Variants in PUS10 observed in about 807,000 individuals in gnomAD.
PUS10 encodes the protein tRNA pseudouridine synthase Pus10.
Under a neutral mutation model 75.0 loss-of-function variants are expected in PUS10, and 59 were observed. The ratio of observed to expected loss-of-function variants is 0.79; its 90% confidence interval spans 0.64 to 0.98. The LOEUF (loss-of-function observed/expected upper bound fraction) is 0.98, where lower values mean the gene tolerates loss of function less well. Among genes scored for constraint, PUS10 ranks in the 50% least tolerant of loss-of-function variants. The pLI is 0.00. For synonymous variants in PUS10, 219 were observed against 211.6 expected, an observed-to-expected ratio of 1.03 and a Z score of -0.30; for missense variants, 650 against 614.4, an observed-to-expected ratio of 1.06 and a Z score of -0.61.
At chr2:60,946,550 T>C (rs1280304421) in intron 16 of PUS10, among the ~76,000 whole-genome samples, 1 of 152,180 alleles carries the variant, frequency 6.6e-6, no homozygotes, top group Non-Finnish European at 1.5e-5. Context: ...GATTTGAAAT[T>C]CCATCCATGA....
At chr2:60,949,613 A>T (rs2104182870) in intron 15 of PUS10, among the ~76,000 whole-genome samples, 1 of 152,272 alleles carries the variant, frequency 6.6e-6, no homozygotes, top group Non-Finnish European at 1.5e-5. Context: ...GATAAGTAGT[A>T]AATTTGAAAT....
chr2:60,947,926 A>G (rs1675070145), intron 16 of PUS10, 117 bp downstream of exon 16: 1 of 857,858 alleles, frequency 1.2e-6, no homozygotes, highest in East Asian at 2.6e-5. Context: ...ATTCTTCTTC[A>G]GTATAATCCT....
chr2:60,964,126 AG>A (rs1406595494), intron 8 of PUS10, among the ~76,000 whole-genome samples: 1 of 152,240 alleles, frequency 6.6e-6, no homozygotes, highest in Admixed American at 6.5e-5. Flanking sequence ...TGTTAAGCTC[AG>A]GGTGCTGAAC....
intron 3 of PUS10, among the ~76,000 whole-genome samples, 173 bp from the exon 4 acceptor site, chr2:61,006,816 T>C (rs978795313): frequency 6.6e-6 from 1 of 152,236 alleles, no homozygotes; most frequent in Non-Finnish European, 1.5e-5. Flanking sequence ...TGCCTAACTA[T>C]GACCCTGAAG....
At chr2:61,002,618 C>A (rs1362912454) in intron 4 of PUS10, among the ~76,000 whole-genome samples, 1 of 152,158 alleles carries the variant, frequency 6.6e-6, no homozygotes, top group African/African-American at 2.4e-5. Flanking sequence ...CTCTCAGGAT[C>A]TCAAATCTCA....
chr2:60,960,233 C>T (rs1307800922), intron 11 of PUS10, among the ~76,000 whole-genome samples, 159 bp downstream of exon 11: 1 of 149,028 alleles, frequency 6.7e-6, no homozygotes, highest in East Asian at 2.0e-4. Context: ...AATCCCAGGA[C>T]TTTAGGAGGC....
intron 1 of PUS10, among the ~76,000 whole-genome samples, chr2:61,013,539 G>A (rs1206709495): frequency 6.6e-6 from 1 of 152,152 alleles, no homozygotes; most frequent in Non-Finnish European, 1.5e-5. Context: ...CATTCTGAAG[G>A]CTCCTGTGTA....
intron 4 of PUS10, among the ~76,000 whole-genome samples, chr2:60,992,909 A>G (rs1678203323): frequency 6.6e-6 from 1 of 152,208 alleles, no homozygotes; most frequent in Admixed American, 6.5e-5. Flanking sequence ...AGTAGCTTTC[A>G]AATTATAATT....
intron 4 of PUS10, among the ~76,000 whole-genome samples, chr2:61,006,168 C>T (rs1679198978): frequency 6.6e-6 from 1 of 152,126 alleles, no homozygotes; most frequent in Non-Finnish European, 1.5e-5. Flanking sequence ...GAAGAAGGCT[C>T]ATCATAATTG....
chr2:60,964,729 T>C (rs1341966983), intron 8 of PUS10, among the ~76,000 whole-genome samples: 1 of 152,198 alleles, frequency 6.6e-6, no homozygotes. Context: ...TCTCAGATGA[T>C]GTAATTTGAG....
chr2:60,987,151 T>A (rs190273557), intron 4 of PUS10, among the ~76,000 whole-genome samples: 1 of 152,232 alleles, frequency 6.6e-6, no homozygotes, highest in Non-Finnish European at 1.5e-5. Context: ...AAATTTGCCA[T>A]GAATCTGAGA....
At chr2:61,006,071 A>C (rs1440282684) in intron 4 of PUS10, among the ~76,000 whole-genome samples, 1 of 152,170 alleles carries the variant, frequency 6.6e-6, no homozygotes, top group East Asian at 1.9e-4. Context: ...CTTAACAAAG[A>C]AAACAGTTTA....
intron 5 of PUS10, among the ~76,000 whole-genome samples, chr2:60,968,582 T>G (rs1231445612): frequency 6.6e-6 from 1 of 150,810 alleles, no homozygotes; most frequent in Non-Finnish European, 1.5e-5. Flanking sequence ...AAACAAAAAG[T>G]AATTAAGCTA....
intron 1 of PUS10, among the ~76,000 whole-genome samples, chr2:61,012,542 T>C (rs1679671441): frequency 6.6e-6 from 1 of 151,372 alleles, no homozygotes; most frequent in Non-Finnish European, 1.5e-5. Context: ...ATTACTCAAA[T>C]TTGGTCAGGC....
chr2:61,008,413 C>T (rs1679379875), intron 3 of PUS10, among the ~76,000 whole-genome samples: 1 of 152,048 alleles, frequency 6.6e-6, no homozygotes, highest in Admixed American at 6.6e-5. Context: ...ATTGCTTGAA[C>T]CTGGGAGGCG....
chr2:60,965,384 C>A, intron 7 of PUS10, 39 bp downstream of exon 7: 1 of 1,508,992 alleles, frequency 6.6e-7, no homozygotes. Flanking sequence ...ACAGCATTAA[C>A]AATTTTACAC....
intron 16 of PUS10, among the ~76,000 whole-genome samples, chr2:60,946,552 C>T (rs1422459660): frequency 6.6e-6 from 1 of 152,124 alleles, no homozygotes; most frequent in Admixed American, 6.5e-5. Flanking sequence ...TTTGAAATTC[C>T]ATCCATGATA....
At chr2:60,986,163 G>A (rs542806592) in intron 4 of PUS10, among the ~76,000 whole-genome samples, 1 of 152,124 alleles carries the variant, frequency 6.6e-6, no homozygotes, top group East Asian at 1.9e-4. Flanking sequence ...GTTTTAAAGT[G>A]CTCTCCCATA....
chr2:60,953,895 G>T (rs753459580), intron 14 of PUS10, 38 bp downstream of exon 14: 4 of 1,552,938 alleles, frequency 2.6e-6, no homozygotes, highest in Non-Finnish European at 3.6e-6. Flanking sequence ...CAACTAAAAC[G>T]TCCCTTTTGA....
Sources: allele counts gnomAD v4.1 joint callset (sites outside exome capture counted in the v4.1 genomes callset), GRCh38; gene constraint gnomAD v4.1.1; transcripts MANE v1.5; gene names NCBI Gene and HGNC (gene_info 2026-07-23, HGNC 2026-07-21).